Variants in RELCH observed in about 807,000 individuals in gnomAD.
RELCH encodes the protein RAB11 binding and LisH domain, coiled-coil and HEAT repeat containing.
A neutral mutation model predicts 150.3 loss-of-function variants in RELCH; 41 were observed. The ratio of observed to expected loss-of-function variants is 0.27; its 90% CI spans 0.21 to 0.35. RELCH has a LOEUF of 0.35. Among genes scored for constraint, RELCH ranks in the 10% least tolerant of loss-of-function variants. RELCH has a pLI of 1.00. For synonymous variants in RELCH, 478 were observed against 531.8 expected (o/e 0.90, Z 1.39); for missense variants, 1,092 against 1,467.8 (o/e 0.74, Z 4.18).
intron 2 of RELCH, among the ~76,000 whole-genome samples, chr18:62,218,440 G>A (rs551950670): frequency 6.6e-6 from 1 of 151,952 alleles, no homozygotes; most frequent in East Asian, 1.9e-4. Context: ...GAATTGAGTT[G>A]GACAACAAAG....
At chr18:62,303,385 G>A (rs1008134358) in intron 28 of RELCH, among the ~76,000 whole-genome samples, 5 of 152,158 alleles carry the variant, frequency 3.3e-5, no homozygotes, top group Non-Finnish European at 7.3e-5. Flanking sequence ...TATTGGTTAA[G>A]TCACCTAAAT....
chr18:62,270,970 T>A (rs1376603713), intron 20 of RELCH, among the ~76,000 whole-genome samples: 1 of 152,192 alleles, frequency 6.6e-6, no homozygotes, highest in Admixed American at 6.5e-5. Context: ...ATGTGCCACA[T>A]TTTCTTAATC....
intron 22 of RELCH, among the ~76,000 whole-genome samples, chr18:62,277,322 C>A (rs2044265357): frequency 6.6e-6 from 1 of 152,048 alleles, no homozygotes; most frequent in African/African-American, 2.4e-5. Context: ...ACTTCTGGAT[C>A]TTGTTTGAGA....
Position 62,227,288 on chromosome 18 carries a change from G to A in RELCH, c.859-1G>A. Reference sequence around the variant, plus strand: ...TTTTATGTTTTTTTTTTATCTTTTAGGATTTTGAATTATGGGATGATGTAG... The same window carrying A: ...TTTTATGTTTTTTTTTTATCTTTTAAGATTTTGAATTATGGGATGATGTAG... On this transcript the variant is annotated splice_acceptor_variant, in intron 5 of 28. Transcript: ENST00000644646. LOFTEE classifies it high-confidence loss of function. The A allele has an allele frequency of 6.5e-7, 1 of 1,538,292 alleles. No homozygotes were observed.
At chr18:62,213,493 G>C (rs1397348986) in intron 2 of RELCH, among the ~76,000 whole-genome samples, 1 of 152,068 alleles carries the variant, frequency 6.6e-6, no homozygotes, top group African/African-American at 2.4e-5. Flanking sequence ...CACTTGGGAG[G>C]CAGAGGCGGG....
intron 16 of RELCH, among the ~76,000 whole-genome samples, chr18:62,262,424 C>T (rs2043320987): frequency 6.6e-6 from 1 of 152,012 alleles, no homozygotes; most frequent in Non-Finnish European, 1.5e-5. Flanking sequence ...ACATTGAGAA[C>T]ATCAACAGAC....
chr18:62,187,624 G>A lies in RELCH; in HGVS notation c.119G>A (p.Arg40Gln). The change falls in exon 1 of 29, where the codon CGG (arginine) becomes CAG (glutamine). Residue 40 changes from arginine to glutamine, a missense_variant. Around this residue, in one of 4 missense-constraint regions of RELCH, gnomAD observed 138 missense variants for 124.8 expected, o/e 1.11. Transcript: ENST00000644646. ...AATEERRAVL[R>Q]LGAGSGLDPG... ...ACAGAGGAACGGCGGGCAGTACTTC[G>A]GCTGGGCGCCGGAAGTGGCCTAGAT... 6.5e-7 allele frequency: 1 copy of A among 1,536,890 alleles called. No individual in the cohort carries two copies. The highest frequency in any genetic ancestry group is 1.2e-5 in the South Asian group (1 of 80,570).
At chr18:62,282,104 T>G (rs1426098124) in intron 24 of RELCH, among the ~76,000 whole-genome samples, 1 of 152,228 alleles carries the variant, frequency 6.6e-6, no homozygotes, top group Non-Finnish European at 1.5e-5. Flanking sequence ...TAAGAATTTG[T>G]AAGCATAAGC....
chr18:62,228,814 A>T (rs2041374776), intron 8 of RELCH, among the ~76,000 whole-genome samples: 2 of 152,112 alleles, frequency 1.3e-5, no homozygotes, highest in Admixed American at 1.3e-4. Flanking sequence ...GGAATTACCC[A>T]TCAATGAGCT....
intron 20 of RELCH, among the ~76,000 whole-genome samples, chr18:62,270,818 C>T (rs1464907212): frequency 6.6e-6 from 1 of 151,744 alleles, no homozygotes; most frequent in Non-Finnish European, 1.5e-5. Context: ...CAACAGGCCT[C>T]GGGGTGTGAT....
rs1444446914 is a variant in RELCH at position 62,266,715 on chromosome 18, C to T, written c.2646C>T (p.Phe882=). The stretch of plus-strand genomic sequence containing the variant: ...GGGTTGCTTAGGTAAAACCTCAGTT[C>T]CAGGAGATTTTAAGACTATCTGAAG... ...IFTNTKVKPQ[F]QEILRLSEEN... Residue 882 remains phenylalanine, a synonymous_variant, in exon 19 of 29, where the codon TTC becomes TTT. Coordinates refer to ENST00000644646, the MANE Select transcript of RELCH (RefSeq NM_001346231.2). The T allele has an allele frequency of 6.2e-7, 1 of 1,602,800 alleles. No individual in the cohort carries two copies. Among genetic ancestry groups the T allele is most frequent in the South Asian group, 1.1e-5 (1 of 89,890 alleles).
At position 62,187,395 on chromosome 18, in the gene RELCH, G is replaced by A; in HGVS notation, c.-111G>A. 9.6e-7 allele frequency: 1 copy of A among 1,045,254 alleles called. No individual in the cohort carries two copies. The highest frequency in any genetic ancestry group is 1.3e-6 in the Non-Finnish European group (1 of 760,490). The allele number at this position is 1,045,254 out of a possible 1,614,324, so 64.7% of individuals were successfully genotyped here. A position where few individuals can be genotyped will look rare whatever the true frequency, so the allele number is the denominator to read the frequency against. On this transcript the variant is annotated 5_prime_UTR_variant, in exon 1 of 29. The change creates a new upstream start codon in the 5' untranslated region. Transcript: ENST00000644646. Reference sequence around the variant, plus strand: ...TTGTCTCTAAGTCGGGAGGCAGGACGTGGTCAGGCCGGGGCTGTGGAGGTG... The same window carrying A: ...TTGTCTCTAAGTCGGGAGGCAGGACATGGTCAGGCCGGGGCTGTGGAGGTG...
chr18:62,302,518 G>A (rs2045708428), intron 28 of RELCH, among the ~76,000 whole-genome samples: 1 of 151,788 alleles, frequency 6.6e-6, no homozygotes, highest in Non-Finnish European at 1.5e-5. Flanking sequence ...TTTTATTTTT[G>A]TTTTTGTTTT....
intron 20 of RELCH, among the ~76,000 whole-genome samples, chr18:62,272,159 T>C (rs1463638113): frequency 1.3e-5 from 2 of 152,194 alleles, no homozygotes; most frequent in Non-Finnish European, 2.9e-5. Context: ...GTAAAAGATT[T>C]TAAGTCATGT....
In RELCH at chr18:62,268,897, TA is replaced by T; in HGVS notation, c.2712del (p.Ala905LeufsTer23). 1 of 1,549,976 alleles carries T rather than the reference TA, an allele frequency of 6.5e-7. No individual in the cohort carries two copies. The highest frequency in any genetic ancestry group is 8.7e-7 in the Non-Finnish European group (1 of 1,143,924). On this transcript the variant is annotated frameshift_variant, in exon 20 of 29. Transcript: ENST00000644646. LOFTEE classifies it high-confidence loss of function. ...DSSAGNGVLTKATVPIYATGV... is the reference protein window; with the variant it reads ...DSSAGNGVLTXATVPIYATGV... Reference sequence around the variant, plus strand: ...CCTCAGCAGGAAATGGGGTCCTCACTAAAGCTACAGTCCCCATTTATGCAAC... The same window carrying T: ...CCTCAGCAGGAAATGGGGTCCTCACTAAGCTACAGTCCCCATTTATGCAAC...
chr18:62,232,339 G>A lies in RELCH; in HGVS notation c.1532G>A (p.Arg511His), dbSNP rs555099518. The part of the protein sequence containing the change: ...ADSRLGYEVS[R>H]IADSEKSVML... ...AATTCTTTGGTTTTCTAGGTGTCTC[G>A]TATTGCAGACAGTGAAAAAAGCGTT... Residue 511 changes from arginine to histidine, a missense_variant, in exon 10 of 29, where the codon CGT (arginine) becomes CAT (histidine). By Grantham distance (29) the Arg-to-His change is conservative (BLOSUM62 0). This residue lies in a region of RELCH where 707 missense variants were observed against 1,025.4 expected (regional missense o/e 0.69). Coordinates refer to ENST00000644646, the MANE Select transcript of RELCH (RefSeq NM_001346231.2). 39 of 1,604,668 alleles carry A rather than the reference G, an allele frequency of 2.4e-5. 1 individual carries two copies. In the South Asian group the frequency reaches 3.4e-4, roughly 14 times the overall value.
At chr18:62,235,116 T>A (rs1766627089) in intron 10 of RELCH, 1 of 152,028 alleles carries the variant, frequency 6.6e-6, no homozygotes, top group African/African-American at 2.4e-5. Context: ...TATATTTAGG[T>A]CAACGATTCA....
chr18:62,214,713 A>G (rs551021813), intron 2 of RELCH, among the ~76,000 whole-genome samples: 138 of 152,280 alleles, frequency 9.1e-4, no homozygotes, highest in African/African-American at 3.1e-3. Context: ...GGAAGCTGCC[A>G]AAGCTTACTG....
At chr18:62,216,299 A>G (rs1450659620) in intron 2 of RELCH, among the ~76,000 whole-genome samples, 2 of 152,100 alleles carry the variant, frequency 1.3e-5, no homozygotes, top group African/African-American at 4.8e-5. Context: ...TATATCTGTC[A>G]TAACAGATAC....
Sources: gnomAD v4.1 joint callset for allele counts (sites outside exome capture counted in the v4.1 genomes callset) on GRCh38, gnomAD v4.1.1 for gene constraint, gnomAD v4.1.1 regional missense constraint, MANE v1.5 for transcripts, NCBI Gene and HGNC (gene_info 2026-07-23, HGNC 2026-07-21) for gene names.